The following AKT3 variants were observed in gnomAD, a reference collection of about 807,000 sequenced individuals.
AKT3 encodes AKT serine/threonine kinase 3.
A neutral mutation model predicts 65.3 loss-of-function variants in AKT3; 15 were observed. That is an observed-to-expected ratio of 0.23 (90% CI 0.15 to 0.35). AKT3 has a LOEUF of 0.35. Ranked by LOEUF, AKT3 falls within the 10% of genes least tolerant of loss-of-function variation. The pLI is 1.00. For missense variants in AKT3, 243 were observed against 576.5 expected (o/e 0.42, Z 5.92); for synonymous variants, 206 against 183.8 (o/e 1.12, Z -0.98).
chr1:243,658,426 T>C (rs1164677749), intron 4 of AKT3, among the ~76,000 whole-genome samples: 1 of 152,166 alleles, frequency 6.6e-6, no homozygotes, highest in African/African-American at 2.4e-5. Context: ...CCTGCTAGTA[T>C]GGCTGTTGTT....
At chr1:243,826,056 C>T (rs1341524554) in intron 2 of AKT3, among the ~76,000 whole-genome samples, 2 of 151,752 alleles carry the variant, frequency 1.3e-5, no homozygotes, top group Admixed American at 6.6e-5. Flanking sequence ...CACTTGAACC[C>T]GGGAGACAAA....
chr1:243,713,764 A>AT (rs1477853492), intron 2 of AKT3, among the ~76,000 whole-genome samples: 7 of 148,092 alleles, frequency 4.7e-5, no homozygotes, highest in Non-Finnish European at 3.0e-5. Flanking sequence ...AAAAAAAAAA[A>AT]AAAAAAAAAA....
chr1:243,673,002 C>G (rs1683253568), intron 3 of AKT3, among the ~76,000 whole-genome samples: 2 of 152,162 alleles, frequency 1.3e-5, no homozygotes, highest in African/African-American at 2.4e-5. Context: ...TTATAAGAGG[C>G]ATGCAAACAT....
intron 1 of AKT3, among the ~76,000 whole-genome samples, chr1:243,848,198 G>A (rs1695598710): frequency 6.6e-6 from 1 of 152,040 alleles, no homozygotes; most frequent in South Asian, 2.1e-4. Context: ...ACCCTAGTAA[G>A]GAAAACAAAA....
At chr1:243,770,528 A>G (rs914725728) in intron 2 of AKT3, among the ~76,000 whole-genome samples, 1 of 152,120 alleles carries the variant, frequency 6.6e-6, no homozygotes, top group Non-Finnish European at 1.5e-5. Context: ...AGCTGCATGT[A>G]TATGAGAAGA....
At position 243,634,817 on chromosome 1, in the gene AKT3, AC is replaced by A. The variant is rs1679862855; in HGVS notation, c.561+2793del. 1.3e-5 allele frequency among the ~76,000 whole-genome samples: 2 copies of A among 151,978 alleles called. 1 individual carries two copies. The highest frequency in any genetic ancestry group is 6.3e-3 in the Middle Eastern group (2 of 316). On this transcript the variant is annotated intron_variant, in intron 6 of 13. Transcript: ENST00000673466. ...AATATATGAGGCAAAAATTGAAAGA[AC>A]TGCAGAAAGCAATGACCATTTTACA... is the stretch of plus-strand genomic sequence containing the variant.
chr1:243,725,945 G>A (rs954964269), intron 2 of AKT3, among the ~76,000 whole-genome samples: 5 of 152,160 alleles, frequency 3.3e-5, no homozygotes, highest in African/African-American at 9.7e-5. Flanking sequence ...CATCTATCTG[G>A]CACTTCGTAG....
At chr1:243,712,047 C>T (rs978404418) in intron 2 of AKT3, among the ~76,000 whole-genome samples, 1 of 152,144 alleles carries the variant, frequency 6.6e-6, no homozygotes, top group African/African-American at 2.4e-5. Context: ...AAACCATACC[C>T]TCTCACTTTA....
At chr1:243,660,131 G>C (rs1279257882) in intron 4 of AKT3, among the ~76,000 whole-genome samples, 4 of 151,892 alleles carry the variant, frequency 2.6e-5, no homozygotes, top group African/African-American at 9.7e-5. Flanking sequence ...TCGTTGGTAA[G>C]CTATTGATTA....
At chr1:243,780,488 G>C (rs1401156518) in intron 2 of AKT3, among the ~76,000 whole-genome samples, 1 of 151,110 alleles carries the variant, frequency 6.6e-6, no homozygotes, top group Non-Finnish European at 1.5e-5. Context: ...GACTAAAGGA[G>C]GCATCATGTC....
intron 13 of AKT3, among the ~76,000 whole-genome samples, chr1:243,506,017 T>TA: frequency 6.6e-6 from 1 of 152,262 alleles, no homozygotes; most frequent in Non-Finnish European, 1.5e-5. Flanking sequence ...TGGTTTCCTG[T>TA]ATTTCAAAGA....
At chr1:243,826,039 G>A (rs1438620503) in intron 2 of AKT3, among the ~76,000 whole-genome samples, 1 of 152,036 alleles carries the variant, frequency 6.6e-6, no homozygotes, top group African/African-American at 2.4e-5. Context: ...GGCTGAGGCA[G>A]GAGAATCACT....
At chr1:243,610,485 A>G (rs1440730021) in intron 8 of AKT3, among the ~76,000 whole-genome samples, 4 of 152,228 alleles carry the variant, frequency 2.6e-5, no homozygotes, top group Non-Finnish European at 5.9e-5. Flanking sequence ...AATACCGTTT[A>G]AAAAAGAGAG....
intron 12 of AKT3, among the ~76,000 whole-genome samples, chr1:243,528,358 GGTTT>G (rs1463529876): frequency 1.3e-5 from 2 of 152,000 alleles, no homozygotes; most frequent in African/African-American, 2.4e-5. Context: ...CACACACGTA[GGTTT>G]GTTATATAGG....
rs115705857 is a variant in AKT3 at position 243,616,706 on chromosome 1, A to C, written c.562-1545T>G. Among the ~76,000 whole-genome samples the C allele has an allele frequency of 4.8e-3, 725 of 152,304 alleles. 6 individuals are homozygous for C. Among genetic ancestry groups the C allele is most frequent in the African/African-American group, 0.017 (701 of 41,568 alleles). On this transcript the variant is annotated intron_variant, in intron 6 of 13. Coordinates refer to ENST00000673466, the MANE Select transcript of AKT3 (RefSeq NM_005465.7). ...ACACTGCATTATATTTGTTATCTTT[A>C]TAAAAATATTTGACCTTAAACTCGA...
At chr1:243,843,032 T>TA in intron 2 of AKT3, 93 bp downstream of exon 2, 4 of 1,320,550 alleles carry the variant, frequency 3.0e-6, no homozygotes, top group Admixed American at 1.8e-5. Context: ...ATGACACAGT[T>TA]TAACAGTATC....
chr1:243,798,314 C>T (rs1008477352), intron 2 of AKT3, among the ~76,000 whole-genome samples: 3 of 148,190 alleles, frequency 2.0e-5, no homozygotes, highest in Non-Finnish European at 3.0e-5. Flanking sequence ...TGGACTCAAG[C>T]GATCCTCCCA....
intron 2 of AKT3, among the ~76,000 whole-genome samples, chr1:243,819,214 G>C (rs1409821833): frequency 6.6e-6 from 1 of 152,244 alleles, no homozygotes; most frequent in African/African-American, 2.4e-5. Flanking sequence ...AGGGAGAGCA[G>C]CCATCACTGC....
At chr1:243,716,286 T>C (rs1176111748) in intron 2 of AKT3, among the ~76,000 whole-genome samples, 1 of 152,166 alleles carries the variant, frequency 6.6e-6, no homozygotes, top group Non-Finnish European at 1.5e-5. Flanking sequence ...AACATTCTCA[T>C]TTTTATTTAC....
Sources: allele counts gnomAD v4.1 joint callset (sites outside exome capture counted in the v4.1 genomes callset), GRCh38; gene constraint gnomAD v4.1.1; transcripts MANE v1.5; gene names NCBI Gene and HGNC (gene_info 2026-07-23, HGNC 2026-07-21).